Variants in CNTNAP5 observed in about 807,000 individuals in gnomAD.
CNTNAP5 encodes contactin associated protein family member 5.
Under a neutral mutation model 150.2 loss-of-function variants are expected in CNTNAP5, and 72 were observed. The ratio of observed to expected loss-of-function variants is 0.48; its 90% confidence interval spans 0.40 to 0.58. The LOEUF is 0.58. CNTNAP5 is among the 20% of genes least tolerant of loss of function. The probability of loss-of-function intolerance (pLI) is 0.00; values close to 1 mark genes in which losing one functional copy is unlikely to be tolerated. For synonymous variants in CNTNAP5, 672 were observed against 619.8 expected, an observed-to-expected ratio of 1.08 and a Z score of -1.25; for missense variants, 1,636 against 1,626.2, an observed-to-expected ratio of 1.01 and a Z score of -0.10.
chr2:124,514,168 G>C (rs1694654866), intron 8 of CNTNAP5, among the ~76,000 whole-genome samples: 1 of 152,182 alleles, frequency 6.6e-6, no homozygotes, highest in Non-Finnish European at 1.5e-5. Context: ...TCAGAAGATA[G>C]TAACATGATG....
chr2:124,912,387 C>T (rs193026098), intron 23 of CNTNAP5, among the ~76,000 whole-genome samples: 77 of 152,094 alleles, frequency 5.1e-4, no homozygotes, highest in African/African-American at 1.7e-3. Context: ...ATGGGTCAGG[C>T]TCTGTGCTAA....
intron 2 of CNTNAP5, among the ~76,000 whole-genome samples, chr2:124,231,771 CCTT>C (rs1005037022): frequency 6.6e-6 from 1 of 152,260 alleles, no homozygotes; most frequent in African/African-American, 2.4e-5. Flanking sequence ...AGGACAGAAA[CCTT>C]CTGCTATTTA....
intron 3 of CNTNAP5, among the ~76,000 whole-genome samples, chr2:124,287,376 C>T (rs376551604): frequency 3.3e-5 from 5 of 152,162 alleles, no homozygotes; most frequent in African/African-American, 4.8e-5. Flanking sequence ...GGATTTGCAG[C>T]TCTTTGGCGT....
chr2:124,287,312 AAGGACTT>A (rs1428325941), intron 3 of CNTNAP5, among the ~76,000 whole-genome samples: 1 of 152,176 alleles, frequency 6.6e-6, no homozygotes, highest in African/African-American at 2.4e-5. Context: ...CCCAAAATCC[AAGGACTT>A]AGGCCAGTAT....
intron 4 of CNTNAP5, among the ~76,000 whole-genome samples, chr2:124,431,386 C>G (rs765494757): frequency 1.3e-5 from 2 of 151,472 alleles, no homozygotes; most frequent in Non-Finnish European, 2.9e-5. Flanking sequence ...TCCAGGCAGC[C>G]AAGTACACTG....
chr2:124,526,593 G>A (rs1694974428), intron 9 of CNTNAP5, among the ~76,000 whole-genome samples: 1 of 152,076 alleles, frequency 6.6e-6, no homozygotes, highest in Non-Finnish European at 1.5e-5. Context: ...GATATGCCCT[G>A]GTTGCAAGCT....
At chr2:124,242,645 C>A (rs997808751) in intron 3 of CNTNAP5, among the ~76,000 whole-genome samples, 1 of 151,976 alleles carries the variant, frequency 6.6e-6, no homozygotes, top group African/African-American at 2.4e-5. Flanking sequence ...ACTGACTGAG[C>A]CTCACTTTCT....
In CNTNAP5 at chr2:124,496,879, G is replaced by A. The variant is rs575504547; in HGVS notation, c.1063-7413G>A. Among the ~76,000 whole-genome samples, 47 of 152,266 alleles carry A rather than the reference G, an allele frequency of 3.1e-4. No homozygotes were observed. In the South Asian group the frequency reaches 8.9e-3, roughly 29 times the overall value. ...TGGCTTCTGCCTTAGTCACCTGATT[G>A]GATTCAGATGCATTCTCCTTTCAGT... On this transcript the variant is annotated intron_variant, in intron 7 of 23. Coordinates refer to ENST00000682447, the MANE Select transcript of CNTNAP5 (RefSeq NM_001367498.1).
At chr2:124,722,303 A>G (rs1680065940) in intron 13 of CNTNAP5, among the ~76,000 whole-genome samples, 1 of 152,096 alleles carries the variant, frequency 6.6e-6, no homozygotes, top group East Asian at 1.9e-4. Flanking sequence ...AATATCATTT[A>G]AACTAAGTGT....
At chr2:124,597,639 G>A (rs999571112) in intron 11 of CNTNAP5, among the ~76,000 whole-genome samples, 59 of 149,484 alleles carry the variant, frequency 3.9e-4, no homozygotes, top group African/African-American at 9.5e-4. Context: ...TGCTCTTCTC[G>A]AGGAGTATCT....
chr2:124,734,875 A>T (rs1379913474), intron 13 of CNTNAP5, among the ~76,000 whole-genome samples: 3 of 152,124 alleles, frequency 2.0e-5, no homozygotes, highest in African/African-American at 4.8e-5. Flanking sequence ...AGGCCTGAAA[A>T]TTTTAAATAA....
chr2:124,741,798 C>T (rs1200903175), intron 13 of CNTNAP5, among the ~76,000 whole-genome samples: 2 of 152,056 alleles, frequency 1.3e-5, no homozygotes, highest in South Asian at 2.1e-4. Flanking sequence ...TATTGTTTCC[C>T]GCTTTTACTT....
intron 12 of CNTNAP5, among the ~76,000 whole-genome samples, chr2:124,643,053 A>G (rs573283417): frequency 9.2e-5 from 14 of 152,322 alleles, no homozygotes; most frequent in South Asian, 4.1e-4. Context: ...ACTCATGCCA[A>G]CCCACTGTGC....
chr2:124,526,051 C>G (rs181527314), intron 9 of CNTNAP5, among the ~76,000 whole-genome samples: 1 of 152,288 alleles, frequency 6.6e-6, no homozygotes, highest in South Asian at 2.1e-4. Context: ...GAGGAAAAAA[C>G]GCTATCTTGC....
chr2:124,080,244 A>T (rs777860761), intron 1 of CNTNAP5, among the ~76,000 whole-genome samples: 21 of 152,194 alleles, frequency 1.4e-4, no homozygotes, highest in South Asian at 2.1e-4. Context: ...ATCAACTTAA[A>T]CAATGCAGGT....
chr2:124,248,528 AT>A (rs540163544), intron 3 of CNTNAP5, among the ~76,000 whole-genome samples: 137 of 152,332 alleles, frequency 9.0e-4, no homozygotes, highest in Non-Finnish European at 1.6e-3. Context: ...GCCAATCAGC[AT>A]TGTGAAAGCA....
At chr2:124,096,642 T>G (rs966636002) in intron 1 of CNTNAP5, among the ~76,000 whole-genome samples, 2 of 152,052 alleles carry the variant, frequency 1.3e-5, no homozygotes, top group African/African-American at 4.8e-5. Context: ...TCCCTAGCTC[T>G]GGGAAAATTG....
At chr2:124,181,513 G>C (rs940922770) in intron 1 of CNTNAP5, among the ~76,000 whole-genome samples, 1 of 151,662 alleles carries the variant, frequency 6.6e-6, no homozygotes, top group Non-Finnish European at 1.5e-5. Context: ...CCTATCTCCT[G>C]GTATATTTTT....
intron 1 of CNTNAP5, among the ~76,000 whole-genome samples, chr2:124,045,392 G>A (rs899345469): frequency 2.7e-5 from 4 of 150,806 alleles, no homozygotes; most frequent in African/African-American, 2.4e-5. Flanking sequence ...CCACCTCCCA[G>A]GTTCAAGTGA....
Sources: gnomAD v4.1 joint callset for allele counts (sites outside exome capture counted in the v4.1 genomes callset) on GRCh38, gnomAD v4.1.1 for gene constraint, MANE v1.5 for transcripts, NCBI Gene and HGNC (gene_info 2026-07-23, HGNC 2026-07-21) for gene names.